MVP: variants seen among roughly 807,000 people sequenced by gnomAD.
MVP encodes the protein lung resistance-related protein.
A neutral mutation model predicts 83.5 loss-of-function variants in MVP; 62 were observed. That is an observed-to-expected ratio of 0.74 (90% CI 0.61 to 0.92). MVP has a LOEUF of 0.92. Among genes scored for constraint, MVP ranks in the 40% least tolerant of loss-of-function variants. The pLI, the probability that MVP is intolerant of heterozygous loss-of-function variation, is 0.00. For synonymous variants in MVP, 505 were observed against 504.1 expected, an observed-to-expected ratio of 1.00 and a Z score of -0.02; for missense variants, 1,000 against 1,203.4, an observed-to-expected ratio of 0.83 and a Z score of 2.50.
intron 11 of MVP, among the ~76,000 whole-genome samples, chr16:29,845,567 C>G (rs2067577159): frequency 6.6e-6 from 1 of 152,340 alleles, no homozygotes; most frequent in Non-Finnish European, 1.5e-5. Flanking sequence ...GAATAGCACC[C>G]TCTTTGCCTG....
Position 29,833,979 on chromosome 16 carries a change from C to A in MVP, c.490C>A (p.Gln164Lys). The A allele has an allele frequency of 1.2e-6, 2 of 1,614,074 alleles. No homozygotes were observed. The highest frequency in any genetic ancestry group is 2.2e-5 in the South Asian group (2 of 91,048). ...GGAAGTGGAGGTCGTGGAGATCATT[C>A]AGGCCACCATCATCAGGCAGAACCA... The part of the protein sequence containing the change: ...RKEVEVVEII[Q>K]ATIIRQNQAL... Residue 164 changes from glutamine (Q) to lysine (K), a missense_variant, in exon 5 of 15, where the codon CAG becomes AAG. Physicochemically the swap from Gln to Lys is moderately conservative, Grantham distance 53. Coordinates refer to ENST00000357402, the MANE Select transcript of MVP (RefSeq NM_005115.5).
In MVP at chr16:29,830,863, C is replaced by T. The variant is rs1356334375; in HGVS notation, c.126-15C>T. On this transcript the variant is annotated splice_polypyrimidine_tract_variant and intron_variant, in intron 2 of 14. Coordinates refer to ENST00000357402, the MANE Select transcript of MVP (RefSeq NM_005115.5). ...CTGGTCCCAGGTCCTCACACCTCTT[C>T]TCATCTTCCTGCAGGGTACTGTTTG... 1 of 1,605,402 alleles carries T rather than the reference C, an allele frequency of 6.2e-7. No individual in the cohort carries two copies. Among genetic ancestry groups the T allele is most frequent in the Non-Finnish European group, 8.5e-7 (1 of 1,173,454 alleles).
chr16:29,841,122 T>G lies in MVP; in HGVS notation c.1192-474T>G, dbSNP rs1401218943. Among the ~76,000 whole-genome samples, 1 of 151,964 alleles carries G rather than the reference T, an allele frequency of 6.6e-6. No homozygotes were observed. The highest frequency in any genetic ancestry group is 1.5e-5 in the Non-Finnish European group (1 of 67,984). The stretch of plus-strand genomic sequence containing the variant: ...TTTTTTTCTGCTTCACCTAAAACCT[T>G]GACCTTGATTTGACCTCGGGCCACA... On this transcript the variant is annotated intron_variant, in intron 8 of 14. Transcript: ENST00000357402. This position sits in a 1 kb window ranked among gnomAD's most constrained non-coding sequence, Gnocchi z 4.7.
At chr16:29,834,449 G>A (rs911206204) in intron 5 of MVP, 4 of 282,118 alleles carry the variant, frequency 1.4e-5, no homozygotes, top group South Asian at 1.0e-4. Context: ...TGGGTGAATC[G>A]TCTGAGCCCA....
chr16:29,835,846 C>CT, intron 6 of MVP, 48 bp downstream of exon 6: 2 of 1,498,096 alleles, frequency 1.3e-6, no homozygotes, highest in Non-Finnish European at 1.8e-6. Context: ...GCTAGGGAAC[C>CT]CTCCGAGTGG....
chr16:29,830,954 G>A lies in MVP; in HGVS notation c.202G>A (p.Asp68Asn). 2 of 1,614,036 alleles carry A rather than the reference G, an allele frequency of 1.2e-6. No individual in the cohort carries two copies. The highest frequency in any genetic ancestry group is 1.7e-6 in the Non-Finnish European group (2 of 1,179,992). ...YCTVANPVSR[D>N]AQGLVLFDVT... Reference sequence around the variant, plus strand: ...CACAGTGGCCAACCCTGTGTCTCGGGATGCCCAGGGCTTGGTGCTGTTTGA... The same window carrying A: ...CACAGTGGCCAACCCTGTGTCTCGGAATGCCCAGGGCTTGGTGCTGTTTGA... Residue 68 changes from aspartate to asparagine, a missense_variant, in exon 3 of 15, where the codon GAT becomes AAT. Coordinates refer to ENST00000357402, the MANE Select transcript of MVP (RefSeq NM_005115.5).
chr16:29,821,642 G>A (rs1007247134), intron 1 of MVP, among the ~76,000 whole-genome samples: 4 of 152,212 alleles, frequency 2.6e-5, no homozygotes, highest in Admixed American at 6.5e-5. Flanking sequence ...AGAAGCCACT[G>A]CCTCCTAGTT....
chr16:29,833,641 G>A (rs2067462138), intron 3 of MVP, 92 bp from the exon 4 acceptor site: 2 of 1,551,312 alleles, frequency 1.3e-6, no homozygotes, highest in South Asian at 2.3e-5. Flanking sequence ...GACATACAGA[G>A]ATGGATGTTG....
In MVP at chr16:29,841,553, T is replaced by C; in HGVS notation, c.1192-43T>C. 6.5e-7 allele frequency: 1 copy of C among 1,535,224 alleles called. No individual in the cohort carries two copies. The highest frequency in any genetic ancestry group is 8.8e-7 in the Non-Finnish European group (1 of 1,141,056). On this transcript the variant is annotated intron_variant, in intron 8 of 14. Coordinates refer to ENST00000357402, the MANE Select transcript of MVP (RefSeq NM_005115.5). This position sits in a 1 kb window ranked among gnomAD's most constrained non-coding sequence, Gnocchi z 4.7. ...GGACAGCTGGGCGGATCTTCCTCCC[T>C]TCCACCCTTACGGGCAGCTTCCCTC...
chr16:29,835,503 AAAC>A, intron 5 of MVP, 198 bp from the exon 6 acceptor site: 7 of 341,420 alleles, frequency 2.1e-5, no homozygotes, highest in Non-Finnish European at 3.2e-5. Flanking sequence ...AAAAAAAAAA[AAAC>A]TTTTAAAATT....
intron 11 of MVP, 122 bp downstream of exon 11, chr16:29,845,001 C>G (rs1427251466): frequency 1.4e-5 from 18 of 1,320,784 alleles, no homozygotes; most frequent in Admixed American, 2.5e-5. Context: ...GATCTATTCC[C>G]TACCCAACAG....
chr16:29,845,790 G>GC, intron 11 of MVP, 73 bp from the exon 12 acceptor site: 1 of 1,384,582 alleles, frequency 7.2e-7, no homozygotes, highest in Non-Finnish European at 1.0e-6. Flanking sequence ...TTGGTTGGTG[G>GC]CCGCTGCCCT....
At position 29,822,842 on chromosome 16, in the gene MVP, C is replaced by T. The variant is rs557080935; in HGVS notation, c.-36+2332C>T. Among the ~76,000 whole-genome samples, 6 of 152,218 alleles carry T rather than the reference C, an allele frequency of 3.9e-5. No individual in the cohort carries two copies. In the South Asian group the frequency reaches 1.0e-3, roughly 26 times the overall value. On this transcript the variant is annotated intron_variant, in intron 1 of 14. Coordinates refer to ENST00000357402, the MANE Select transcript of MVP (RefSeq NM_005115.5). ...AAGCAATTCTCCTGCCTCAGCCTCCCGAGTAGCTGAGACTACAGTTGCCTG... is the reference window on the plus strand; with the variant it reads ...AAGCAATTCTCCTGCCTCAGCCTCCTGAGTAGCTGAGACTACAGTTGCCTG...
Position 29,833,766 on chromosome 16 carries a change from A to G in MVP, c.355A>G (p.Thr119Ala). The part of the protein sequence containing the change: ...ITPLQVVLPN[T>A]ALHLKALLDF... ...ACCCCTGCAGGTGGTTCTGCCCAAC[A>G]CTGCCCTCCATCTAAAGGCGCTGCT... Residue 119 changes from threonine (T) to alanine (A), a missense_variant, in exon 4 of 15, where the codon ACT (threonine) becomes GCT (alanine). By Grantham distance (58) the Thr-to-Ala change is moderately conservative. Transcript: ENST00000357402. 6.2e-7 allele frequency: 1 copy of G among 1,613,964 alleles called. No individual in the cohort carries two copies. The highest frequency in any genetic ancestry group is 8.5e-7 in the Non-Finnish European group (1 of 1,179,970).
intron 1 of MVP, among the ~76,000 whole-genome samples, chr16:29,828,106 A>G (rs1031003915): frequency 6.6e-6 from 1 of 151,606 alleles, no homozygotes; most frequent in Non-Finnish European, 1.5e-5. Flanking sequence ...GATTACAGGC[A>G]CGTGCCACCA....
rs757111510 is a variant in MVP at position 29,847,937 on chromosome 16, C to T, written c.2630C>T (p.Ala877Val). The T allele has an allele frequency of 2.5e-6, 4 of 1,612,468 alleles. No homozygotes were observed. Among genetic ancestry groups the T allele is most frequent in the Non-Finnish European group, 3.4e-6 (4 of 1,179,542 alleles). ...SPGEGISPQSAQAPQAPGDNH... is the reference protein window; with the variant it reads ...SPGEGISPQSVQAPQAPGDNH... ...GGGGAGGGGATATCCCCCCAGTCTG[C>T]TCAGGCCCCTCAAGCTCCTGGAGAC... The change falls in exon 15 of 15, where the codon GCT (alanine) becomes GTT (valine). Residue 877 changes from alanine (A) to valine (V), a missense_variant. Physicochemically the swap from Ala to Val is moderately conservative, Grantham distance 64. Transcript: ENST00000357402.
rs1288223242 is a variant in MVP at position 29,841,405 on chromosome 16, G to A, written c.1192-191G>A. ...ACACATGAGGAAACTGAAGCCCAAG[G>A]GGTGAGGTAGTTAGCCCACGATGAC... On this transcript the variant is annotated intron_variant, in intron 8 of 14. Transcript: ENST00000357402. This position sits in a 1 kb window ranked among gnomAD's most constrained non-coding sequence, Gnocchi z 4.7. Among the ~76,000 whole-genome samples, 1 of 152,164 alleles carries A rather than the reference G, an allele frequency of 6.6e-6. No individual in the cohort carries two copies. The highest frequency in any genetic ancestry group is 1.5e-5 in the Non-Finnish European group (1 of 68,020).
intron 2 of MVP, 89 bp from the exon 3 acceptor site, chr16:29,830,789 C>T (rs374438989): frequency 2.5e-5 from 39 of 1,566,176 alleles, no homozygotes; most frequent in South Asian, 5.9e-5. Flanking sequence ...CTCGCTTGGG[C>T]GATAGAGAGG....
At chr16:29,844,357 G>A in intron 10 of MVP, 136 bp from the exon 11 acceptor site, 2 of 1,151,882 alleles carry the variant, frequency 1.7e-6, no homozygotes, top group East Asian at 4.9e-5. Flanking sequence ...CCAGCACTTT[G>A]GGAGGCTGAG....
Sources: allele counts gnomAD v4.1 joint callset (sites outside exome capture counted in the v4.1 genomes callset), GRCh38; gene constraint gnomAD v4.1.1; non-coding constraint Gnocchi (gnomAD v3.1); transcripts MANE v1.5; gene names NCBI Gene and HGNC (gene_info 2026-07-23, HGNC 2026-07-21).